Variants in DST observed in about 807,000 individuals in gnomAD.
DST encodes the protein dystonin, also known as bullous pemphigoid antigen.
In DST, 253 loss-of-function variants were observed where a neutral mutation model predicts 875.2. That is an observed-to-expected ratio of 0.29 (90% confidence interval 0.26 to 0.32). The LOEUF is 0.32. Ranked by LOEUF, DST falls within the 10% of genes least tolerant of loss-of-function variation. The pLI is 1.00. For synonymous variants in DST, 3,124 were observed against 3,197.1 expected, an observed-to-expected ratio of 0.98 and a Z score of 0.77; for missense variants, 8,287 against 9,111.6, an observed-to-expected ratio of 0.91 and a Z score of 3.68.
At chr6:56,778,703 G>C (rs1011371817) in intron 4 of DST, among the ~76,000 whole-genome samples, 2 of 151,760 alleles carry the variant, frequency 1.3e-5, no homozygotes, top group East Asian at 3.9e-4. Flanking sequence ...TCCCTACAAA[G>C]TACATTAACT....
chr6:56,581,069 A>T (rs1408246666), intron 49 of DST, among the ~76,000 whole-genome samples: 2 of 151,142 alleles, frequency 1.3e-5, no homozygotes, highest in Non-Finnish European at 3.0e-5. Context: ...AAAAAAAAAA[A>T]AAAAAAAGTG....
rs190364747 is a variant in DST at position 56,880,459 on chromosome 6, G to A, written c.417+19962C>T. Among the ~76,000 whole-genome samples, 68 of 152,268 alleles carry A rather than the reference G, an allele frequency of 4.5e-4. 2 individuals carry two copies. The highest frequency in any genetic ancestry group is 4.3e-3 in the Admixed American group (65 of 15,288). ...TCCCAGCACTTTGGGAAGCCAAGGT[G>A]GGCAGATCGCTTGAGGTCAGGAGTT... On this transcript the variant is annotated intron_variant, in intron 3 of 103. Coordinates refer to ENST00000680361, the MANE Select transcript of DST (RefSeq NM_001374736.1).
At chr6:56,650,778 T>C (rs1193058707) in intron 12 of DST, 148 bp downstream of exon 12, 11 of 539,340 alleles carry the variant, frequency 2.0e-5, no homozygotes, top group East Asian at 6.1e-5. Flanking sequence ...ATGAAATACA[T>C]AGAATATCAA....
intron 54 of DST, among the ~76,000 whole-genome samples, chr6:56,568,835 C>T (rs1200471101): frequency 6.6e-6 from 1 of 152,120 alleles, no homozygotes; most frequent in Non-Finnish European, 1.5e-5. Context: ...CAAGTAAAAT[C>T]CTAGCCAAAG....
intron 69 of DST, 118 bp downstream of exon 69, chr6:56,526,243 A>G: frequency 2.6e-6 from 3 of 1,133,516 alleles, no homozygotes; most frequent in Non-Finnish European, 3.7e-6. Context: ...CCACTCTTTC[A>G]TTTTGGAAGC....
chr6:56,757,817 A>C (rs1172521724), intron 4 of DST, among the ~76,000 whole-genome samples: 1 of 152,180 alleles, frequency 6.6e-6, no homozygotes, highest in Non-Finnish European at 1.5e-5. Context: ...GCCTCTGTGG[A>C]TGGTGGCTAT....
chr6:56,772,240 T>TA (rs1361769268), intron 4 of DST, among the ~76,000 whole-genome samples: 1 of 152,202 alleles, frequency 6.6e-6, no homozygotes, highest in Non-Finnish European at 1.5e-5. Context: ...AATTTACATA[T>TA]AAAAACACAT....
intron 86 of DST, among the ~76,000 whole-genome samples, chr6:56,488,101 C>T (rs2095621954): frequency 6.6e-6 from 1 of 152,096 alleles, no homozygotes; most frequent in Admixed American, 6.5e-5. Context: ...ATAGACAACA[C>T]AATTACAATC....
intron 18 of DST, 26 bp downstream of exon 18, chr6:56,640,117 C>G: frequency 6.2e-7 from 1 of 1,613,028 alleles, no homozygotes. Flanking sequence ...GACTGAAACA[C>G]TCAGGTAAAG....
intron 57 of DST, 115 bp from the exon 58 acceptor site, chr6:56,560,538 A>T (rs2097522333): frequency 1.7e-6 from 2 of 1,147,282 alleles, no homozygotes; most frequent in Non-Finnish European, 2.4e-6. Context: ...CTACTGTTAA[A>T]TGTTGTGGTG....
chr6:56,676,496 T>C (rs2099130899), intron 9 of DST, among the ~76,000 whole-genome samples: 1 of 152,136 alleles, frequency 6.6e-6, no homozygotes. Context: ...AACTACCATA[T>C]AATCCAGCAA....
intron 4 of DST, among the ~76,000 whole-genome samples, chr6:56,839,597 T>C (rs1477422558): frequency 6.6e-6 from 1 of 152,202 alleles, no homozygotes; most frequent in East Asian, 1.9e-4. Flanking sequence ...GATCATTACA[T>C]GCTGCAGAGA....
chr6:56,692,606 C>T (rs1044354847), intron 9 of DST: 11 of 1,289,724 alleles, frequency 8.5e-6, no homozygotes, highest in Non-Finnish European at 1.1e-5. Flanking sequence ...AAGCTGGCTG[C>T]CTTTCGGAAA....
chr6:56,799,201 C>T (rs558384751), intron 4 of DST, among the ~76,000 whole-genome samples: 3 of 152,188 alleles, frequency 2.0e-5, no homozygotes, highest in South Asian at 4.2e-4. Context: ...ATGCTAACAG[C>T]ATCACAGGCT....
At chr6:56,818,551 A>T (rs887907064) in intron 4 of DST, among the ~76,000 whole-genome samples, 10 of 152,192 alleles carry the variant, frequency 6.6e-5, no homozygotes, top group Admixed American at 6.5e-4. Flanking sequence ...AGCTCCAATG[A>T]TTTGAAGAGT....
chr6:56,513,741 G>A (rs2096531770), intron 72 of DST, among the ~76,000 whole-genome samples: 1 of 152,164 alleles, frequency 6.6e-6, no homozygotes, highest in Admixed American at 6.5e-5. Context: ...ACTCAGGTAT[G>A]TGTGTGTATC....
At chr6:56,631,115 A>T in intron 30 of DST, 96 bp downstream of exon 30, 1 of 490,278 alleles carries the variant, frequency 2.0e-6, no homozygotes, top group Non-Finnish European at 3.0e-6. Flanking sequence ...AATAAAAGTT[A>T]ATATTTATAT....
Position 56,817,288 on chromosome 6 carries a change from C to A in DST, c.625+34109G>T, listed in dbSNP as rs191747954. ...TAAATGAACAAGAATAGAAATAGTT[C>A]TATTAATAAAAGCAACTTCACGACT... On this transcript the variant is annotated intron_variant, in intron 4 of 103. Coordinates refer to ENST00000680361, the MANE Select transcript of DST (RefSeq NM_001374736.1). 2.6e-3 allele frequency among the ~76,000 whole-genome samples: 397 copies of A among 152,104 alleles called. 4 individuals are homozygous for A. The highest frequency in any genetic ancestry group is 0.013 in the South Asian group (60 of 4,796).
chr6:56,835,521 A>C (rs1424115560), intron 4 of DST, among the ~76,000 whole-genome samples: 2 of 152,202 alleles, frequency 1.3e-5, no homozygotes, highest in Non-Finnish European at 2.9e-5. Context: ...CTAAAAAATA[A>C]TGTGTGCATT....
Sources: gnomAD v4.1 joint callset for allele counts (sites outside exome capture counted in the v4.1 genomes callset) on GRCh38, gnomAD v4.1.1 for gene constraint, MANE v1.5 for transcripts, NCBI Gene and HGNC (gene_info 2026-07-23, HGNC 2026-07-21) for gene names.